SCAI: variants seen among roughly 807,000 people sequenced by gnomAD.
SCAI encodes suppressor of cancer cell invasion.
Under a neutral mutation model 92.2 loss-of-function variants are expected in SCAI, and 24 were observed. The observed-to-expected ratio is 0.26, with a 90% confidence interval of 0.19 to 0.37. The LOEUF (loss-of-function observed/expected upper bound fraction) is 0.37, where lower values mean the gene tolerates loss of function less well. Among genes scored for constraint, SCAI ranks in the 10% least tolerant of loss-of-function variants. The pLI is 1.00. For missense variants in SCAI, 450 were observed against 736.2 expected (o/e 0.61, Z 4.50); for synonymous variants, 261 against 258.6 (o/e 1.01, Z -0.09).
At chr9:124,966,187 C>T (rs1411619765) in intron 17 of SCAI, among the ~76,000 whole-genome samples, 1 of 151,914 alleles carries the variant, frequency 6.6e-6, no homozygotes, top group East Asian at 1.9e-4. Flanking sequence ...ATTAACTTGT[C>T]ATTTACATTA....
chr9:125,065,187 A>G (rs1332886404), intron 2 of SCAI, among the ~76,000 whole-genome samples: 2 of 152,180 alleles, frequency 1.3e-5, no homozygotes, highest in Non-Finnish European at 2.9e-5. Flanking sequence ...AAGACTAATA[A>G]AACCCTGGCA....
chr9:124,993,459 G>A (rs143318296), intron 14 of SCAI, among the ~76,000 whole-genome samples: 87 of 152,246 alleles, frequency 5.7e-4, no homozygotes, highest in African/African-American at 1.9e-3. Flanking sequence ...GCATAGTGGC[G>A]CATGCCTGTA....
intron 13 of SCAI, among the ~76,000 whole-genome samples, chr9:124,997,263 G>C: frequency 6.6e-6 from 1 of 152,128 alleles, no homozygotes; most frequent in East Asian, 1.9e-4. Flanking sequence ...ACAACACATA[G>C]TTTATCCAGG....
rs1180835294 is a variant in SCAI at position 125,004,768 on chromosome 9, T to C, written c.862-1198A>G. The stretch of plus-strand genomic sequence containing the variant: ...ATATATATATATATATATATATATA[T>C]ATATATATATATTTTTTTTTTTTTT... On this transcript the variant is annotated intron_variant, in intron 9 of 17. Coordinates refer to ENST00000336505, the MANE Select transcript of SCAI (RefSeq NM_001144877.3). 7.1e-3 allele frequency among the ~76,000 whole-genome samples: 70 copies of C among 9,904 alleles called. 1 individual carries two copies. Among genetic ancestry groups the C allele is most frequent in the African/African-American group, 0.022 (70 of 3,250 alleles). 6.5% of individuals were successfully genotyped at this position (9,904 alleles called of 152,430 possible).
At chr9:125,033,204 A>T (rs1833119303) in intron 3 of SCAI, among the ~76,000 whole-genome samples, 2 of 152,280 alleles carry the variant, frequency 1.3e-5, no homozygotes, top group South Asian at 4.1e-4. Flanking sequence ...TCTCCAAAAA[A>T]AAAAATCAAT....
chr9:125,050,061 C>A (rs1039130819), intron 3 of SCAI, among the ~76,000 whole-genome samples: 12 of 147,694 alleles, frequency 8.1e-5, no homozygotes, highest in African/African-American at 2.3e-4. Context: ...AAACATGTTA[C>A]AACATGTGGA....
chr9:125,094,924 A>C (rs758460395), intron 2 of SCAI, among the ~76,000 whole-genome samples: 1 of 152,342 alleles, frequency 6.6e-6, no homozygotes, highest in African/African-American at 2.4e-5. Flanking sequence ...CTACTGATAA[A>C]GGAATAAAAG....
Position 125,140,974 on chromosome 9 carries a change from T to G in SCAI, c.98+1659A>C, listed in dbSNP as rs530225531. Among the ~76,000 whole-genome samples, 48 of 152,324 alleles carry G rather than the reference T, an allele frequency of 3.2e-4. 1 individual carries two copies. Among genetic ancestry groups the G allele is most frequent in the African/African-American group, 9.4e-4 (39 of 41,564 alleles). On this transcript the variant is annotated intron_variant, in intron 2 of 17. Coordinates refer to ENST00000336505, the MANE Select transcript of SCAI (RefSeq NM_001144877.3). ...TCAATTTTTGTACTAACTTGAAATC[T>G]AGCATGTATTTTATACTTATCTCAT...
intron 2 of SCAI, among the ~76,000 whole-genome samples, chr9:125,107,429 G>A (rs374316574): frequency 6.7e-6 from 1 of 150,322 alleles, no homozygotes; most frequent in Non-Finnish European, 1.5e-5. Flanking sequence ...AAAAGAAAAA[G>A]AAAAGAAAAA....
At chr9:124,973,999 G>A (rs974392533) in intron 15 of SCAI, among the ~76,000 whole-genome samples, 3 of 151,916 alleles carry the variant, frequency 2.0e-5, no homozygotes, top group African/African-American at 4.8e-5. Flanking sequence ...CCCTTCCCTC[G>A]TCTTCATTGT....
At chr9:125,049,139 T>A (rs1283309782) in intron 3 of SCAI, among the ~76,000 whole-genome samples, 2 of 151,710 alleles carry the variant, frequency 1.3e-5, no homozygotes, top group Non-Finnish European at 2.9e-5. Context: ...AATATACATA[T>A]ACACACACAC....
intron 15 of SCAI, 25 bp from the exon 16 acceptor site, chr9:124,971,869 T>C: frequency 6.8e-7 from 1 of 1,475,096 alleles, no homozygotes; most frequent in Non-Finnish European, 9.1e-7. Flanking sequence ...ATGTTATATA[T>C]ATAGACAATA....
chr9:125,138,322 C>G (rs1835586014), intron 2 of SCAI, among the ~76,000 whole-genome samples: 1 of 138,468 alleles, frequency 7.2e-6, no homozygotes, highest in African/African-American at 2.7e-5. Flanking sequence ...ATGGTGCAAT[C>G]TCGGCTCACT....
intron 2 of SCAI, among the ~76,000 whole-genome samples, chr9:125,105,758 T>C (rs1464866647): frequency 2.0e-5 from 3 of 152,102 alleles, no homozygotes; most frequent in Non-Finnish European, 4.4e-5. Flanking sequence ...TCTCTCTCCT[T>C]ATAACTTTCC....
chr9:125,047,858 T>C (rs763549401), intron 3 of SCAI, among the ~76,000 whole-genome samples: 1 of 152,232 alleles, frequency 6.6e-6, no homozygotes, highest in Non-Finnish European at 1.5e-5. Flanking sequence ...ATTTTTTATT[T>C]ATTGGATCAA....
intron 2 of SCAI, among the ~76,000 whole-genome samples, chr9:125,097,125 C>T (rs1834574063): frequency 6.6e-6 from 1 of 152,108 alleles, no homozygotes; most frequent in Non-Finnish European, 1.5e-5. Context: ...AGAAACAATG[C>T]AAAATTTGTT....
chr9:125,004,748 TATATATATATATATATA>T (rs1832441403), intron 9 of SCAI, among the ~76,000 whole-genome samples: 4 of 14,012 alleles, frequency 2.9e-4, no homozygotes, highest in Admixed American at 1.2e-3. Context: ...TATATATATA[TATATATATATATATATA>T]TATATATATA....
chr9:125,086,957 T>C (rs1236794139), intron 2 of SCAI, among the ~76,000 whole-genome samples: 1 of 152,220 alleles, frequency 6.6e-6, no homozygotes, highest in Non-Finnish European at 1.5e-5. Flanking sequence ...TTAAATGTTA[T>C]GTAAGTAATA....
chr9:125,050,287 G>A lies in SCAI; in HGVS notation c.230+5589C>T, dbSNP rs886465215. On this transcript the variant is annotated intron_variant, in intron 3 of 17. Transcript: ENST00000336505. ...TTTAAATAAGGGGGTGGAGGTGGGC[G>A]CAGGGGGATAGCAACCAAAAAAACC... 6.6e-5 allele frequency among the ~76,000 whole-genome samples: 10 copies of A among 152,130 alleles called. No homozygotes were observed. The South Asian group carries it at 8.3e-4, about 13-fold the overall frequency.
Sources: gnomAD v4.1 joint callset for allele counts (sites outside exome capture counted in the v4.1 genomes callset) on GRCh38, gnomAD v4.1.1 for gene constraint, MANE v1.5 for transcripts, NCBI Gene and HGNC (gene_info 2026-07-23, HGNC 2026-07-21) for gene names.